The following PODXL2 variants were observed in gnomAD, a reference collection of about 807,000 sequenced individuals.
The protein encoded by PODXL2 is podocalyxin like 2.
Under a neutral mutation model 53.4 loss-of-function variants are expected in PODXL2, and 17 were observed. The ratio of observed to expected loss-of-function variants is 0.32; its 90% CI spans 0.22 to 0.48. The LOEUF is 0.48. Among genes scored for constraint, PODXL2 ranks in the 20% least tolerant of loss-of-function variants. The pLI is 0.99. For synonymous variants in PODXL2, 311 were observed against 306.7 expected, an observed-to-expected ratio of 1.01 and a Z score of -0.15; for missense variants, 673 against 760.0, an observed-to-expected ratio of 0.89 and a Z score of 1.35.
intron 1 of PODXL2, among the ~76,000 whole-genome samples, chr3:127,636,332 A>AAATCC (rs1263469963): frequency 1.3e-5 from 2 of 152,210 alleles, no homozygotes; most frequent in African/African-American, 4.8e-5. Context: ...GGCTAGGAAA[A>AAATCC]AATCCAAGAG....
In PODXL2 at chr3:127,638,613, G is replaced by A. The variant is rs2074593285; in HGVS notation, c.71-632G>A. The stretch of plus-strand genomic sequence containing the variant: ...ACCTGTAATGCCAGCTACTTGGGGG[G>A]CTGAGGCAGGAGAATCACTTGAACC... On this transcript the variant is annotated intron_variant, in intron 1 of 7. Transcript: ENST00000342480. Among the ~76,000 whole-genome samples, 3 of 152,128 alleles carry A rather than the reference G, an allele frequency of 2.0e-5. No individual in the cohort carries two copies. The South Asian group carries it at 6.2e-4, about 32-fold the overall frequency.
intron 1 of PODXL2, among the ~76,000 whole-genome samples, chr3:127,635,008 CTA>C (rs2107703101): frequency 6.6e-6 from 1 of 152,336 alleles, no homozygotes; most frequent in Admixed American, 6.5e-5. Flanking sequence ...GTCTACACAT[CTA>C]TGTTTCTGTA....
intron 2 of PODXL2, among the ~76,000 whole-genome samples, chr3:127,646,945 T>C (rs1277333479): frequency 2.6e-5 from 4 of 152,162 alleles, no homozygotes; most frequent in African/African-American, 4.8e-5. Context: ...ATTCTGTCAC[T>C]AGGACTTTGT....
intron 2 of PODXL2, among the ~76,000 whole-genome samples, chr3:127,654,859 G>A (rs2107710348): frequency 6.6e-6 from 1 of 152,208 alleles, no homozygotes; most frequent in East Asian, 1.9e-4. Flanking sequence ...GGCCAAGGTG[G>A]GCGAATCCAC....
chr3:127,664,589 G>A (rs774686829), intron 4 of PODXL2, among the ~76,000 whole-genome samples: 4 of 151,922 alleles, frequency 2.6e-5, no homozygotes, highest in Non-Finnish European at 5.9e-5. Context: ...ACTGTTTTTC[G>A]CTATGAGTAT....
intron 1 of PODXL2, among the ~76,000 whole-genome samples, chr3:127,635,920 C>T (rs1379684524): frequency 6.6e-6 from 1 of 152,228 alleles, no homozygotes; most frequent in African/African-American, 2.4e-5. Context: ...CTGGCTCTCT[C>T]ACTTTGGGAC....
At chr3:127,669,095 C>T (rs1224314050) in intron 5 of PODXL2, 46 bp from the exon 6 acceptor site, 1 of 1,364,988 alleles carries the variant, frequency 7.3e-7, no homozygotes, top group East Asian at 2.4e-5. Context: ...GAGGGGCACG[C>T]ACCTCAGCCA....
intron 2 of PODXL2, among the ~76,000 whole-genome samples, chr3:127,647,600 T>G (rs1195362164): frequency 6.6e-6 from 1 of 152,160 alleles, no homozygotes; most frequent in Non-Finnish European, 1.5e-5. Context: ...GGCTTCCAGC[T>G]CCAGCACTCG....
intron 1 of PODXL2, among the ~76,000 whole-genome samples, chr3:127,636,902 C>T (rs911414579): frequency 3.3e-5 from 5 of 152,210 alleles, no homozygotes; most frequent in Admixed American, 2.6e-4. Flanking sequence ...TGGTTCACTG[C>T]AATCTCTGCC....
rs1210912640 is a variant in PODXL2 at position 127,639,297 on chromosome 3, C to T, written c.123C>T (p.Gly41=). The change falls in exon 2 of 8, where the codon GGC becomes GGT. Residue 41 remains glycine (G), a synonymous_variant. Coordinates refer to ENST00000342480, the MANE Select transcript of PODXL2 (RefSeq NM_015720.4). The part of the protein sequence containing the change: ...VAGSDEPGPE[G]LTSTSLLDLL... ...GGTCTGATGAGCCTGGCCCAGAGGG[C>T]CTCACCTCCACCTCCCTGCTAGACC... 1 of 1,613,338 alleles carries T rather than the reference C, an allele frequency of 6.2e-7. No individual in the cohort carries two copies. Among genetic ancestry groups the T allele is most frequent in the Admixed American group, 1.7e-5 (1 of 60,016 alleles).
At chr3:127,664,334 T>TG (rs1474031503) in intron 4 of PODXL2, among the ~76,000 whole-genome samples, 1 of 151,922 alleles carries the variant, frequency 6.6e-6, no homozygotes, top group Non-Finnish European at 1.5e-5. Flanking sequence ...GAAATTTCTT[T>TG]TTTTTTTTTT....
chr3:127,649,272 C>T (rs116837930), intron 2 of PODXL2, among the ~76,000 whole-genome samples: 2,226 of 152,326 alleles, frequency 0.015, 61 homozygotes, highest in South Asian at 0.045. Context: ...CAGTATAAGG[C>T]GGGTCTATCA....
In PODXL2 at chr3:127,662,221, C is replaced by G; in HGVS notation, c.1132-16C>G. 6.2e-7 allele frequency: 1 copy of G among 1,611,304 alleles called. No homozygotes were observed. The highest frequency in any genetic ancestry group is 8.5e-7 in the Non-Finnish European group (1 of 1,177,446). Reference sequence around the variant, plus strand: ...GCCTTCGTAACTGTCGCCCTTCTTTCTGTCTCCTCGCACAGGTGATCTGCA... The same window carrying G: ...GCCTTCGTAACTGTCGCCCTTCTTTGTGTCTCCTCGCACAGGTGATCTGCA... On this transcript the variant is annotated splice_polypyrimidine_tract_variant and intron_variant, in intron 3 of 7. Transcript: ENST00000342480.
rs1223636850 is a variant in PODXL2 at position 127,672,135 on chromosome 3, C to T, written c.1606-133C>T. On this transcript the variant is annotated intron_variant, in intron 7 of 7. Coordinates refer to ENST00000342480, the MANE Select transcript of PODXL2 (RefSeq NM_015720.4). Reference sequence around the variant, plus strand: ...TGAGAAAGGAGTTGAGCTGCAGCAACAGAAAAGAAGGATCTGGCACCTGTG... The same window carrying T: ...TGAGAAAGGAGTTGAGCTGCAGCAATAGAAAAGAAGGATCTGGCACCTGTG... 6 of 654,320 alleles carry T rather than the reference C, an allele frequency of 9.2e-6. No individual in the cohort carries two copies. The East Asian group carries it at 1.1e-4, about 12-fold the overall frequency. The allele number at this position is 654,320 out of a possible 1,614,324, so 40.5% of individuals were successfully genotyped here. A position where few individuals can be genotyped will look rare whatever the true frequency, so the allele number is the denominator to read the frequency against.
intron 2 of PODXL2, among the ~76,000 whole-genome samples, chr3:127,652,021 G>T (rs528391230): frequency 1.3e-5 from 2 of 152,344 alleles, no homozygotes; most frequent in South Asian, 4.1e-4. Flanking sequence ...CTGGGGAGAG[G>T]TCATGATTCT....
At chr3:127,654,609 C>G (rs1165556027) in intron 2 of PODXL2, among the ~76,000 whole-genome samples, 1 of 152,240 alleles carries the variant, frequency 6.6e-6, no homozygotes, top group East Asian at 1.9e-4. Flanking sequence ...GTAATCCCCT[C>G]CTGCCCTGCC....
chr3:127,643,762 C>A (rs1424226410), intron 2 of PODXL2, among the ~76,000 whole-genome samples: 1 of 151,996 alleles, frequency 6.6e-6, no homozygotes, highest in Non-Finnish European at 1.5e-5. Context: ...CTTCAGCCTC[C>A]CAGGTAGCTG....
chr3:127,661,556 C>T (rs554269043), intron 3 of PODXL2, among the ~76,000 whole-genome samples: 3 of 152,198 alleles, frequency 2.0e-5, no homozygotes, highest in Admixed American at 1.3e-4. Context: ...CATACCTCAG[C>T]CCCCTGAGTA....
intron 2 of PODXL2, among the ~76,000 whole-genome samples, chr3:127,640,231 C>T (rs1292158977): frequency 6.6e-6 from 1 of 152,244 alleles, no homozygotes; most frequent in Admixed American, 6.5e-5. Flanking sequence ...GGCCCCATCT[C>T]TTAGTAGGGA....
Sources: gnomAD v4.1 joint callset for allele counts (sites outside exome capture counted in the v4.1 genomes callset) on GRCh38, gnomAD v4.1.1 for gene constraint, MANE v1.5 for transcripts, NCBI Gene and HGNC (gene_info 2026-07-23, HGNC 2026-07-21) for gene names.